ITGA9: variants seen among roughly 807,000 people sequenced by gnomAD.
ITGA9 encodes the protein integrin alpha-9.
In ITGA9, 56 loss-of-function variants were observed where a neutral mutation model predicts 127.8. The ratio of observed to expected loss-of-function variants is 0.44; its 90% CI spans 0.35 to 0.55. The LOEUF is 0.55. Among genes scored for constraint, ITGA9 ranks in the 20% least tolerant of loss-of-function variants. ITGA9 has a pLI of 0.00. For synonymous variants in ITGA9, 508 were observed against 514.5 expected (o/e 0.99, Z 0.17); for missense variants, 1,196 against 1,347.1 (o/e 0.89, Z 1.76).
chr3:37,479,689 G>T (rs1290745913), intron 3 of ITGA9, among the ~76,000 whole-genome samples: 1 of 152,188 alleles, frequency 6.6e-6, no homozygotes, highest in East Asian at 1.9e-4. Context: ...TGCCCCAGGG[G>T]GTGGGTTTTG....
chr3:37,691,746 GATAAATTA>G (rs1700834332), intron 18 of ITGA9, among the ~76,000 whole-genome samples: 2 of 152,184 alleles, frequency 1.3e-5, no homozygotes, highest in Admixed American at 6.5e-5. Flanking sequence ...CTTGGCAACA[GATAAATTA>G]GTCAAAGAGA....
chr3:37,639,810 G>A (rs1700315107), intron 16 of ITGA9, among the ~76,000 whole-genome samples: 1 of 152,114 alleles, frequency 6.6e-6, no homozygotes, highest in South Asian at 2.1e-4. Context: ...GTTGGTCTCA[G>A]CTGCTGAAAC....
chr3:37,614,179 A>C (rs928784237), intron 15 of ITGA9, among the ~76,000 whole-genome samples: 3 of 152,106 alleles, frequency 2.0e-5, no homozygotes, highest in Admixed American at 1.3e-4. Flanking sequence ...AGCTTTCTAC[A>C]TATGGCTAGC....
At chr3:37,681,354 G>T (rs867677476) in intron 17 of ITGA9, among the ~76,000 whole-genome samples, 8 of 152,216 alleles carry the variant, frequency 5.3e-5, no homozygotes, top group Admixed American at 2.0e-4. Flanking sequence ...AGCTACTTCA[G>T]ATGATCCCTG....
chr3:37,669,221 G>A (rs1184920686), intron 17 of ITGA9, among the ~76,000 whole-genome samples: 3 of 152,240 alleles, frequency 2.0e-5, no homozygotes, highest in Non-Finnish European at 4.4e-5. Context: ...TGTGCTGGCT[G>A]CAAGCTGCTC....
intron 18 of ITGA9, among the ~76,000 whole-genome samples, chr3:37,721,308 G>T (rs1164922729): frequency 1.3e-5 from 2 of 151,850 alleles, no homozygotes; most frequent in African/African-American, 4.8e-5. Context: ...TTGAGACAGG[G>T]TCTTACTATG....
intron 15 of ITGA9, among the ~76,000 whole-genome samples, chr3:37,614,124 C>T (rs1016451583): frequency 6.6e-6 from 1 of 152,034 alleles, no homozygotes; most frequent in African/African-American, 2.4e-5. Context: ...TTTAATCCAT[C>T]TTGAATTAAT....
intron 23 of ITGA9, among the ~76,000 whole-genome samples, chr3:37,750,954 A>G (rs972195603): frequency 3.3e-5 from 5 of 152,252 alleles, no homozygotes; most frequent in Admixed American, 6.5e-5. Context: ...ATTGCTCTCT[A>G]TAGGGGCACG....
At chr3:37,478,658 A>C (rs1426611468) in intron 3 of ITGA9, among the ~76,000 whole-genome samples, 1 of 152,196 alleles carries the variant, frequency 6.6e-6, no homozygotes, top group African/African-American at 2.4e-5. Flanking sequence ...CTTTGGAGAC[A>C]GTCCCTAGGA....
chr3:37,638,026 G>C (rs1343858983), intron 16 of ITGA9, among the ~76,000 whole-genome samples: 1 of 152,140 alleles, frequency 6.6e-6, no homozygotes, highest in Non-Finnish European at 1.5e-5. Flanking sequence ...GCTAAAGTAT[G>C]AGAACTGATA....
intron 23 of ITGA9, among the ~76,000 whole-genome samples, chr3:37,771,820 C>T (rs1696847696): frequency 6.6e-6 from 1 of 151,834 alleles, no homozygotes; most frequent in South Asian, 2.1e-4. Context: ...TTTTTTGCTA[C>T]AGTGGTGGAA....
chr3:37,465,930 C>T (rs545545736), intron 1 of ITGA9, among the ~76,000 whole-genome samples: 5 of 152,094 alleles, frequency 3.3e-5, no homozygotes, highest in East Asian at 1.9e-4. Flanking sequence ...GAATAGGGCA[C>T]GGGTGATGTA....
At chr3:37,592,232 T>C (rs535090238) in intron 15 of ITGA9, among the ~76,000 whole-genome samples, 1 of 152,334 alleles carries the variant, frequency 6.6e-6, no homozygotes, top group African/African-American at 2.4e-5. Flanking sequence ...TGCTAACTGC[T>C]GCAACAAACC....
At chr3:37,676,974 A>C (rs1700688196) in intron 17 of ITGA9, among the ~76,000 whole-genome samples, 1 of 152,202 alleles carries the variant, frequency 6.6e-6, no homozygotes, top group Admixed American at 6.5e-5. Flanking sequence ...TTTTAGGATC[A>C]TTCTTTCAGA....
At chr3:37,811,715 A>C (rs2125565844) in intron 27 of ITGA9, among the ~76,000 whole-genome samples, 1 of 152,210 alleles carries the variant, frequency 6.6e-6, no homozygotes, top group East Asian at 1.9e-4. Context: ...CCTTTTGCAA[A>C]CCGAGATGGT....
Position 37,473,477 on chromosome 3 carries a change from G to A in ITGA9, c.420+17G>A. ...CGTGTGTTGGTAAGTCCCTCCTGGG[G>A]GTGCTGTGGGAAGGGGGTGGCACTC... On this transcript the variant is annotated intron_variant, in intron 3 of 27. Transcript: ENST00000264741. The A allele has an allele frequency of 6.3e-7, 1 of 1,588,708 alleles. No homozygotes were observed. The highest frequency in any genetic ancestry group is 1.1e-5 in the South Asian group (1 of 90,432).
At chr3:37,463,923 G>A (rs1698342948) in intron 1 of ITGA9, among the ~76,000 whole-genome samples, 1 of 152,164 alleles carries the variant, frequency 6.6e-6, no homozygotes, top group South Asian at 2.1e-4. Flanking sequence ...CATTGCAGTG[G>A]GAATACATGT....
At chr3:37,600,515 C>T (rs912123379) in intron 15 of ITGA9, among the ~76,000 whole-genome samples, 2 of 152,286 alleles carry the variant, frequency 1.3e-5, no homozygotes, top group Non-Finnish European at 2.9e-5. Flanking sequence ...ATGGGCTCCA[C>T]GATGCAGGGC....
chr3:37,748,747 TAAAAA>T (rs34063758), intron 22 of ITGA9: 457 of 450,612 alleles, frequency 1.0e-3, no homozygotes, highest in Middle Eastern at 2.0e-3. Flanking sequence ...GACTCTGTCT[TAAAAA>T]AAAAAAAAAA....
Sources: gnomAD v4.1 joint callset for allele counts (sites outside exome capture counted in the v4.1 genomes callset) on GRCh38, gnomAD v4.1.1 for gene constraint, MANE v1.5 for transcripts, NCBI Gene and HGNC (gene_info 2026-07-23, HGNC 2026-07-21) for gene names.